Variants in CD2AP observed in about 807,000 individuals in gnomAD.
CD2AP encodes CD2 associated protein.
CD2AP carries 46 observed loss-of-function variants against 85.1 expected under a neutral mutation model. The ratio of observed to expected loss-of-function variants is 0.54; its 90% CI spans 0.43 to 0.69. The LOEUF (loss-of-function observed/expected upper bound fraction) is 0.69, where lower values mean the gene tolerates loss of function less well. Ranked by LOEUF, CD2AP falls within the 30% of genes least tolerant of loss-of-function variation. The pLI is 0.00. For synonymous variants in CD2AP, 255 were observed against 252.9 expected (o/e 1.01, Z -0.08); for missense variants, 769 against 729.5 (o/e 1.05, Z -0.62).
rs374488678 is a variant in CD2AP at position 47,577,549 on chromosome 6, G to A, written c.903+446G>A. ...ATGGTTCTGAAACTCTTTTTACTCT[G>A]GAAAATGATGTCACCATTTTAAAGA... is the stretch of plus-strand genomic sequence containing the variant. On this transcript the variant is annotated intron_variant, in intron 8 of 17. Transcript: ENST00000359314. 1.6e-3 allele frequency among the ~76,000 whole-genome samples: 243 copies of A among 152,046 alleles called. 1 individual carries two copies. Among genetic ancestry groups the A allele is most frequent in the African/African-American group, 5.6e-3 (233 of 41,466 alleles).
intron 11 of CD2AP, among the ~76,000 whole-genome samples, chr6:47,586,430 C>G (rs1377124938): frequency 6.6e-6 from 1 of 151,884 alleles, no homozygotes; most frequent in Non-Finnish European, 1.5e-5. Context: ...TTTTACTTAC[C>G]TGTAATTGGG....
chr6:47,481,362 T>G (rs1765439299), intron 1 of CD2AP, among the ~76,000 whole-genome samples: 1 of 152,176 alleles, frequency 6.6e-6, no homozygotes, highest in Non-Finnish European at 1.5e-5. Context: ...TTGTTTGTTT[T>G]TTTGATGGAG....
chr6:47,504,962 T>C (rs1430443946), intron 2 of CD2AP, among the ~76,000 whole-genome samples: 1 of 151,514 alleles, frequency 6.6e-6, no homozygotes, highest in Non-Finnish European at 1.5e-5. Context: ...TTGATGTTGA[T>C]GACTGTTGAC....
chr6:47,576,844 T>C (rs1768327357), intron 7 of CD2AP, among the ~76,000 whole-genome samples, 165 bp from the exon 8 acceptor site: 1 of 152,192 alleles, frequency 6.6e-6, no homozygotes, highest in South Asian at 2.1e-4. Flanking sequence ...ATTAATGAAA[T>C]TGTTACTTAA....
chr6:47,521,634 A>G (rs1041918420), intron 2 of CD2AP, among the ~76,000 whole-genome samples: 1 of 152,262 alleles, frequency 6.6e-6, no homozygotes, highest in Non-Finnish European at 1.5e-5. Flanking sequence ...ATTAGTTGCC[A>G]TTAAAAAAGA....
chr6:47,611,822 A>G (rs1027178015), intron 16 of CD2AP, among the ~76,000 whole-genome samples: 19 of 152,092 alleles, frequency 1.2e-4, no homozygotes, highest in Non-Finnish European at 1.8e-4. Flanking sequence ...TTGAATACCA[A>G]ATCACAATTA....
At chr6:47,606,445 A>C (rs572969485) in intron 14 of CD2AP, among the ~76,000 whole-genome samples, 168 bp downstream of exon 14, 1 of 152,196 alleles carries the variant, frequency 6.6e-6, no homozygotes, top group South Asian at 2.1e-4. Flanking sequence ...AGGTGTGTTC[A>C]TTCCAACAGG....
chr6:47,560,634 G>T (rs112876639), intron 5 of CD2AP, among the ~76,000 whole-genome samples: 7 of 151,970 alleles, frequency 4.6e-5, no homozygotes, highest in Non-Finnish European at 8.8e-5. Context: ...ATGGAGTGAC[G>T]ATGTCTTATG....
intron 1 of CD2AP, among the ~76,000 whole-genome samples, chr6:47,499,681 A>G (rs1765952394): frequency 6.6e-6 from 1 of 152,128 alleles, no homozygotes; most frequent in Admixed American, 6.5e-5. Context: ...GTAAATAATA[A>G]ATGAATAAAA....
At chr6:47,541,920 A>G (rs1445033920) in intron 3 of CD2AP, among the ~76,000 whole-genome samples, 1 of 152,208 alleles carries the variant, frequency 6.6e-6, no homozygotes, top group Non-Finnish European at 1.5e-5. Context: ...TCCTGTCCAG[A>G]TTACTTCTTA....
intron 5 of CD2AP, among the ~76,000 whole-genome samples, chr6:47,558,972 T>A (rs936991775): frequency 6.6e-6 from 1 of 152,182 alleles, no homozygotes; most frequent in Non-Finnish European, 1.5e-5. Flanking sequence ...TTTTGGTTGG[T>A]AGGCTATTAA....
At position 47,627,121 on chromosome 6, in the gene CD2AP, AAAG is replaced by A. The variant is rs1769929402; in HGVS notation, c.*2895_*2897del. 1 of 152,488 alleles carries A rather than the reference AAAG, an allele frequency of 6.6e-6. No homozygotes were observed. Among genetic ancestry groups the A allele is most frequent in the South Asian group, 2.1e-4 (1 of 4,836 alleles). The allele number at this position is 152,488 out of a possible 1,614,324, so 9.4% of individuals were successfully genotyped here. A position where few individuals can be genotyped will look rare whatever the true frequency, so the allele number is the denominator to read the frequency against. On this transcript the variant is annotated 3_prime_UTR_variant, in exon 18 of 18. Transcript: ENST00000359314. The stretch of plus-strand genomic sequence containing the variant: ...TGCTTCTCTCTCAAAAAGAAAAATT[AAAG>A]GATTTTATTGCCAGTCGTGTCAGTC...
chr6:47,620,604 T>A (rs913008057), intron 17 of CD2AP, among the ~76,000 whole-genome samples: 4 of 152,174 alleles, frequency 2.6e-5, no homozygotes, highest in African/African-American at 9.7e-5. Context: ...GGTATTTTGA[T>A]GGGAATTGCC....
chr6:47,606,757 T>TA (rs2114146324), intron 14 of CD2AP, among the ~76,000 whole-genome samples: 1 of 152,232 alleles, frequency 6.6e-6, no homozygotes, highest in African/African-American at 2.4e-5. Context: ...AAATGCATAA[T>TA]AATTATATCA....
At chr6:47,512,812 C>G (rs1369869116) in intron 2 of CD2AP, among the ~76,000 whole-genome samples, 1 of 152,186 alleles carries the variant, frequency 6.6e-6, no homozygotes, top group Non-Finnish European at 1.5e-5. Context: ...TTGTATGTAT[C>G]CTTTAGTCCA....
chr6:47,478,104 A>G lies in CD2AP; in HGVS notation c.-141A>G. 1 of 1,084,898 alleles carries G rather than the reference A, an allele frequency of 9.2e-7. No individual in the cohort carries two copies. Among genetic ancestry groups the G allele is most frequent in the Non-Finnish European group, 1.4e-6 (1 of 734,616 alleles). 67.2% of individuals were successfully genotyped at this position (1,084,898 alleles called of 1,614,324 possible). A position where few individuals can be genotyped will look rare whatever the true frequency, so the allele number is the denominator to read the frequency against. On this transcript the variant is annotated 5_prime_UTR_variant, in exon 1 of 18. Coordinates refer to ENST00000359314, the MANE Select transcript of CD2AP (RefSeq NM_012120.3). ...AGAGCGCCGCGGGCGGATGGAGGCGACTCTTCGCCCCGCCTGAGCTCAGGA... is the reference window on the plus strand; with the variant it reads ...AGAGCGCCGCGGGCGGATGGAGGCGGCTCTTCGCCCCGCCTGAGCTCAGGA...
At chr6:47,511,610 TC>T (rs1240082428) in intron 2 of CD2AP, among the ~76,000 whole-genome samples, 6 of 152,196 alleles carry the variant, frequency 3.9e-5, no homozygotes, top group Non-Finnish European at 8.8e-5. Context: ...ACTTTCTACT[TC>T]CTTTGTAACT....
At chr6:47,567,648 T>G (rs977664484) in intron 5 of CD2AP, among the ~76,000 whole-genome samples, 1 of 152,136 alleles carries the variant, frequency 6.6e-6, no homozygotes, top group Non-Finnish European at 1.5e-5. Flanking sequence ...AGTCATAGAT[T>G]GAGATCCCAA....
At chr6:47,596,047 A>G in intron 12 of CD2AP, 21 bp downstream of exon 12, 1 of 1,585,846 alleles carries the variant, frequency 6.3e-7, no homozygotes, top group Non-Finnish European at 8.7e-7. Context: ...CCTAATTTTA[A>G]ATTAGCTTAC....
Sources: gnomAD v4.1 joint callset for allele counts (sites outside exome capture counted in the v4.1 genomes callset) on GRCh38, gnomAD v4.1.1 for gene constraint, MANE v1.5 for transcripts, NCBI Gene and HGNC (gene_info 2026-07-23, HGNC 2026-07-21) for gene names.